Variants in GALNT13 observed in about 807,000 individuals in gnomAD.
GALNT13 encodes polypeptide N-acetylgalactosaminyltransferase 13.
Under a neutral mutation model 64.2 loss-of-function variants are expected in GALNT13, and 28 were observed. The observed-to-expected ratio is 0.44, with a 90% CI of 0.32 to 0.60. The LOEUF (loss-of-function observed/expected upper bound fraction) is 0.60, where lower values mean the gene tolerates loss of function less well. Ranked by LOEUF, GALNT13 falls within the 20% of genes least tolerant of loss-of-function variation. The pLI, the probability that GALNT13 is intolerant of heterozygous loss-of-function variation, is 0.05. For synonymous variants in GALNT13, 214 were observed against 224.6 expected (o/e 0.95, Z 0.42); for missense variants, 577 against 669.8 (o/e 0.86, Z 1.53).
chr2:153,726,367 A>G, the GALNT13 span, among the ~76,000 whole-genome samples: 1 of 152,134 alleles, frequency 6.6e-6, no homozygotes, highest in Non-Finnish European at 1.5e-5. Flanking sequence ...TTCATGTGGA[A>G]TCAGTACCTT....
chr2:153,434,659 A>G, the GALNT13 span, among the ~76,000 whole-genome samples: 1 of 151,970 alleles, frequency 6.6e-6, no homozygotes, highest in Non-Finnish European at 1.5e-5. Flanking sequence ...TACTTTGCCC[A>G]CTTTTTGATG....
At chr2:153,362,497 G>C in the GALNT13 span, among the ~76,000 whole-genome samples, 1 of 132,684 alleles carries the variant, frequency 7.5e-6, no homozygotes, top group Non-Finnish European at 1.5e-5. Context: ...CATGTGCAAG[G>C]ACACATAGGC....
At chr2:153,688,991 G>GGGGTGTGT in the GALNT13 span, among the ~76,000 whole-genome samples, 130 of 130,150 alleles carry the variant, frequency 1.0e-3, 3 homozygotes, top group Non-Finnish European at 2.9e-4. Context: ...TAGAGGTAGG[G>GGGGTGTGT]GTGTGTGTGT....
intron 3 of GALNT13, among the ~76,000 whole-genome samples, chr2:154,002,717 A>C (rs1695990817): frequency 6.6e-6 from 1 of 152,080 alleles, no homozygotes; most frequent in African/African-American, 2.4e-5. Flanking sequence ...TTGTGTCTTC[A>C]TATTCATTCC....
the GALNT13 span, among the ~76,000 whole-genome samples, chr2:153,621,845 G>A: frequency 4.6e-5 from 7 of 152,188 alleles, no homozygotes; most frequent in Admixed American, 1.3e-4. Context: ...AGGTCAGTGG[G>A]CTCCCCTCTG....
At chr2:154,443,448 A>G (rs1241742233) in intron 12 of GALNT13, among the ~76,000 whole-genome samples, 1 of 152,082 alleles carries the variant, frequency 6.6e-6, no homozygotes, top group Admixed American at 6.6e-5. Context: ...CTATTAAATT[A>G]AATATAGTAC....
chr2:153,606,723 C>T, the GALNT13 span, among the ~76,000 whole-genome samples: 5 of 151,952 alleles, frequency 3.3e-5, no homozygotes, highest in Non-Finnish European at 5.9e-5. Flanking sequence ...AGCCATATGG[C>T]CCAGAGTGAA....
the GALNT13 span, among the ~76,000 whole-genome samples, chr2:153,461,739 A>T: frequency 6.6e-6 from 1 of 152,110 alleles, no homozygotes; most frequent in Admixed American, 6.6e-5. Flanking sequence ...GACTTCTGCA[A>T]ATCCACAACC....
At chr2:153,188,682 A>G in the GALNT13 span, among the ~76,000 whole-genome samples, 2 of 152,162 alleles carry the variant, frequency 1.3e-5, no homozygotes, top group East Asian at 3.8e-4. Context: ...ATAATTTTAA[A>G]ATGAATTTCC....
At chr2:154,337,522 T>G (rs561679472) in intron 9 of GALNT13, among the ~76,000 whole-genome samples, 1 of 152,152 alleles carries the variant, frequency 6.6e-6, no homozygotes, top group Middle Eastern at 3.4e-3. Context: ...TAAAATAAAA[T>G]ATTTTAAAAC....
At chr2:153,497,332 G>T in the GALNT13 span, among the ~76,000 whole-genome samples, 1 of 151,806 alleles carries the variant, frequency 6.6e-6, no homozygotes, top group Non-Finnish European at 1.5e-5. Flanking sequence ...TTTTGGGGCT[G>T]GTGTCTGTTG....
At chr2:153,125,683 G>A in the GALNT13 span, among the ~76,000 whole-genome samples, 1 of 152,076 alleles carries the variant, frequency 6.6e-6, no homozygotes, top group Non-Finnish European at 1.5e-5. Context: ...ATGTAATTAT[G>A]TGAAATACAT....
At chr2:154,081,659 A>C (rs16836014) in intron 3 of GALNT13, among the ~76,000 whole-genome samples, 10,885 of 151,792 alleles carry the variant, frequency 0.072, 471 homozygotes, top group Middle Eastern at 0.14. Flanking sequence ...CCATAGCGCA[A>C]TATATTCCCC....
chr2:153,843,056 T>A, the GALNT13 span, among the ~76,000 whole-genome samples: 10 of 79,448 alleles, frequency 1.3e-4, no homozygotes, highest in Non-Finnish European at 3.5e-4. Flanking sequence ...TACTGAAGCA[T>A]AGGGGATTAA....
chr2:153,614,666 TG>T, the GALNT13 span, among the ~76,000 whole-genome samples: 1,003 of 152,256 alleles, frequency 6.6e-3, 6 homozygotes, highest in Admixed American at 0.016. Flanking sequence ...TCTCAAAATA[TG>T]TTTAAAATTT....
At chr2:154,090,768 CA>C (rs1343852649) in intron 3 of GALNT13, among the ~76,000 whole-genome samples, 1 of 151,852 alleles carries the variant, frequency 6.6e-6, no homozygotes, top group Non-Finnish European at 1.5e-5. Flanking sequence ...CCATGCCACA[CA>C]AACATGTATG....
At chr2:153,836,210 T>C in the GALNT13 span, among the ~76,000 whole-genome samples, 1 of 152,004 alleles carries the variant, frequency 6.6e-6, no homozygotes, top group African/African-American at 2.4e-5. Flanking sequence ...GGAGAAAATG[T>C]TTTTATTGTA....
At chr2:153,714,056 A>G in the GALNT13 span, among the ~76,000 whole-genome samples, 1 of 152,168 alleles carries the variant, frequency 6.6e-6, no homozygotes, top group African/African-American at 2.4e-5. Flanking sequence ...ATTAGATGAT[A>G]CCAGTGTTGT....
At chr2:154,247,422 A>G (rs1689838451) in intron 7 of GALNT13, among the ~76,000 whole-genome samples, 1 of 152,022 alleles carries the variant, frequency 6.6e-6, no homozygotes, top group Non-Finnish European at 1.5e-5. Context: ...AGAATGCTTG[A>G]CCAATACACT....
Sources: gnomAD v4.1 joint callset for allele counts (sites outside exome capture counted in the v4.1 genomes callset) on GRCh38, gnomAD v4.1.1 for gene constraint, MANE v1.5 for transcripts, NCBI Gene and HGNC (gene_info 2026-07-23, HGNC 2026-07-21) for gene names.